Variants in ESRRG observed in about 807,000 individuals in gnomAD.
ESRRG encodes the protein estrogen related receptor gamma.
A neutral mutation model predicts 44.0 loss-of-function variants in ESRRG; 13 were observed. That is an observed-to-expected ratio of 0.30 (90% CI 0.19 to 0.47). ESRRG has a LOEUF of 0.47. Among genes scored for constraint, ESRRG ranks in the 20% least tolerant of loss-of-function variants. The pLI, the probability that ESRRG is intolerant of heterozygous loss-of-function variation, is 1.00. For missense variants in ESRRG, 395 were observed against 580.6 expected, an observed-to-expected ratio of 0.68 and a Z score of 3.29; for synonymous variants, 215 against 214.6, an observed-to-expected ratio of 1.00 and a Z score of -0.02.
chr1:216,598,121 T>G (rs556943819), intron 3 of ESRRG, among the ~76,000 whole-genome samples: 1 of 152,366 alleles, frequency 6.6e-6, no homozygotes, highest in Admixed American at 6.5e-5. Flanking sequence ...TGGAAGGGCA[T>G]CTTTGAGATA....
rs575310843 is a variant in ESRRG at position 216,866,116 on chromosome 1, A to G, written c.-14+73466T>C. Among the ~76,000 whole-genome samples the G allele has an allele frequency of 1.1e-3, 171 of 152,344 alleles. 1 individual carries two copies. Among genetic ancestry groups the G allele is most frequent in the Admixed American group, 2.3e-3 (35 of 15,302 alleles). On this transcript the variant is annotated intron_variant, in intron 2 of 7. Coordinates refer to the ESRRG transcript ENST00000359162. ...CTCAGTAAATGCAAATATTGTGAAC[A>G]TGCTGTTTAACAGCAGCAAATATCA...
chr1:216,635,590 T>C (rs1010122059), intron 3 of ESRRG, among the ~76,000 whole-genome samples: 12 of 152,142 alleles, frequency 7.9e-5, no homozygotes, highest in Admixed American at 6.5e-4. Context: ...AGTGATTCCA[T>C]GGATTCAAGG....
At chr1:216,916,832 GTCTTTTTTTTTTTTTTTTTTTTTTTTTTT>G (rs2061232622) in intron 2 of ESRRG, among the ~76,000 whole-genome samples, 1 of 81,760 alleles carries the variant, frequency 1.2e-5, no homozygotes. Flanking sequence ...CTCAGCTTTG[GTCTTTTTTTTTTTTTTTTTTTTTTTTTTT>G]TTTTTTTTTT....
chr1:216,637,822 G>T (rs2150830082), intron 3 of ESRRG, among the ~76,000 whole-genome samples: 1 of 151,246 alleles, frequency 6.6e-6, no homozygotes, highest in Non-Finnish European at 1.5e-5. Context: ...TATTGTCAGT[G>T]TAGTCAATAT....
intron 2 of ESRRG, among the ~76,000 whole-genome samples, chr1:216,872,621 T>C (rs551596004): frequency 7.9e-5 from 12 of 152,328 alleles, no homozygotes; most frequent in African/African-American, 2.6e-4. Context: ...TTGTGGGTTA[T>C]TGTATTCTTC....
chr1:216,539,064 A>G (rs935821298), intron 5 of ESRRG, among the ~76,000 whole-genome samples: 1 of 152,050 alleles, frequency 6.6e-6, no homozygotes, highest in African/African-American at 2.4e-5. Flanking sequence ...TTCTCAAATC[A>G]TAATTCTAAT....
At chr1:216,786,860 C>T (rs536378187) in intron 2 of ESRRG, among the ~76,000 whole-genome samples, 1 of 152,232 alleles carries the variant, frequency 6.6e-6, no homozygotes, top group East Asian at 1.9e-4. Context: ...ACATTTAGGA[C>T]ACCTAAAAAC....
intron 1 of ESRRG, among the ~76,000 whole-genome samples, chr1:217,013,247 T>C (rs1382874769): frequency 6.6e-6 from 1 of 152,188 alleles, no homozygotes; most frequent in African/African-American, 2.4e-5. Context: ...GCTCTCTTTA[T>C]TAGATGCTAA....
At chr1:216,780,966 T>A (rs12040591) in intron 2 of ESRRG, among the ~76,000 whole-genome samples, 13,506 of 152,108 alleles carry the variant, frequency 0.089, 812 homozygotes, top group African/African-American at 0.16. Flanking sequence ...CCTTTCTACT[T>A]TGGCGCTAAA....
intron 1 of ESRRG, among the ~76,000 whole-genome samples, chr1:217,110,726 G>A (rs2092652240): frequency 6.6e-6 from 1 of 152,080 alleles, no homozygotes; most frequent in Non-Finnish European, 1.5e-5. Context: ...AACGCATGAG[G>A]GATCTGCCCC....
chr1:216,936,201 A>G (rs1180092650), intron 2 of ESRRG, among the ~76,000 whole-genome samples: 1 of 152,134 alleles, frequency 6.6e-6, no homozygotes, highest in Admixed American at 6.6e-5. Flanking sequence ...AAGAACAAAT[A>G]TATATTTCTT....
chr1:216,846,206 TTATTA>T (rs2095745484), intron 2 of ESRRG, among the ~76,000 whole-genome samples: 1 of 152,180 alleles, frequency 6.6e-6, no homozygotes, highest in Non-Finnish European at 1.5e-5. Flanking sequence ...TTTCCCCCAC[TTATTA>T]TATTGTGAAA....
intron 3 of ESRRG, among the ~76,000 whole-genome samples, chr1:216,571,116 G>A (rs972657413): frequency 6.6e-6 from 1 of 152,116 alleles, no homozygotes; most frequent in African/African-American, 2.4e-5. Flanking sequence ...CAGAGGAAGT[G>A]CAACAATGAA....
chr1:217,031,917 T>A (rs1013866936), intron 1 of ESRRG, among the ~76,000 whole-genome samples: 2 of 152,206 alleles, frequency 1.3e-5, no homozygotes, highest in East Asian at 3.9e-4. Flanking sequence ...ATTAAAACTC[T>A]TTTCTTTATA....
chr1:216,871,556 T>C (rs541379824), intron 2 of ESRRG, among the ~76,000 whole-genome samples: 103 of 152,142 alleles, frequency 6.8e-4, no homozygotes, highest in Middle Eastern at 3.4e-3. Context: ...GTTTTAACTA[T>C]TACAGAACGA....
intron 2 of ESRRG, among the ~76,000 whole-genome samples, chr1:216,850,106 A>T (rs1459517079): frequency 6.6e-6 from 1 of 152,114 alleles, no homozygotes; most frequent in Non-Finnish European, 1.5e-5. Context: ...AATGAGCTAA[A>T]TATTTTTACT....
At chr1:216,568,581 G>A (rs1406651654) in intron 3 of ESRRG, among the ~76,000 whole-genome samples, 2 of 152,188 alleles carry the variant, frequency 1.3e-5, no homozygotes, top group East Asian at 3.9e-4. Flanking sequence ...CTATGTGCTG[G>A]GGAGGAGGGA....
intron 1 of ESRRG, among the ~76,000 whole-genome samples, chr1:217,058,873 A>T (rs2087724639): frequency 7.5e-6 from 1 of 133,632 alleles, no homozygotes; most frequent in Admixed American, 7.5e-5. Flanking sequence ...AACATAATAC[A>T]ATAAACTATA....
intron 1 of ESRRG, among the ~76,000 whole-genome samples, chr1:217,031,098 A>T (rs766536286): frequency 2.0e-5 from 3 of 152,214 alleles, no homozygotes; most frequent in Non-Finnish European, 4.4e-5. Context: ...GTCTGTTTTG[A>T]TATATCCTGA....
Sources: gnomAD v4.1 joint callset for allele counts (sites outside exome capture counted in the v4.1 genomes callset) on GRCh38, gnomAD v4.1.1 for gene constraint, MANE v1.5 for transcripts, NCBI Gene and HGNC (gene_info 2026-07-23, HGNC 2026-07-21) for gene names.